RBFOX1: variants seen among roughly 807,000 people sequenced by gnomAD.
The protein encoded by RBFOX1 is RNA binding protein fox-1 homolog 1.
A neutral mutation model predicts 57.7 loss-of-function variants in RBFOX1; 8 were observed. That is an observed-to-expected ratio of 0.14 (90% CI 0.08 to 0.25). RBFOX1 has a LOEUF of 0.25. Among genes scored for constraint, RBFOX1 ranks in the 10% least tolerant of loss-of-function variants. The pLI, the probability that RBFOX1 is intolerant of heterozygous loss-of-function variation, is 1.00. For synonymous variants in RBFOX1, 326 were observed against 222.4 expected (o/e 1.47, Z -4.15); for missense variants, 611 against 548.5 (o/e 1.11, Z -1.14).
intron 14 of RBFOX1, among the ~76,000 whole-genome samples, chr16:7,697,522 TG>T (rs2079167869): frequency 6.6e-6 from 1 of 152,008 alleles, no homozygotes; most frequent in Non-Finnish European, 1.5e-5. Flanking sequence ...CATACATGCA[TG>T]TATATGTATA....
intron 3 of RBFOX1, among the ~76,000 whole-genome samples, chr16:5,645,061 C>G (rs1001462816): frequency 9.1e-5 from 13 of 142,858 alleles, no homozygotes; most frequent in Admixed American, 3.8e-4. Context: ...CATGGTGAAA[C>G]CCTGTCTCTA....
At chr16:7,274,755 G>A (rs1005442735) in intron 4 of RBFOX1, among the ~76,000 whole-genome samples, 1 of 151,978 alleles carries the variant, frequency 6.6e-6, no homozygotes, top group Non-Finnish European at 1.5e-5. Context: ...GACAATCTTA[G>A]CTCACATCAA....
chr16:5,755,534 A>C (rs2053362583), intron 3 of RBFOX1, among the ~76,000 whole-genome samples: 1 of 152,234 alleles, frequency 6.6e-6, no homozygotes, highest in African/African-American at 2.4e-5. Context: ...TTGGTTGGTC[A>C]CAAAAGACGA....
At chr16:7,344,301 A>G (rs2145489423) in intron 4 of RBFOX1, among the ~76,000 whole-genome samples, 1 of 150,420 alleles carries the variant, frequency 6.6e-6, no homozygotes. Flanking sequence ...AATCCAATAT[A>G]GTCAGGGCTA....
At chr16:6,370,799 A>G (rs574817791) in intron 2 of RBFOX1, among the ~76,000 whole-genome samples, 78 of 152,354 alleles carry the variant, frequency 5.1e-4, no homozygotes, top group Admixed American at 2.8e-3. Context: ...AATGCCACTT[A>G]ATTGAATACT....
At chr16:6,955,160 G>T (rs115601404) in intron 3 of RBFOX1, among the ~76,000 whole-genome samples, 1 of 151,972 alleles carries the variant, frequency 6.6e-6, no homozygotes, top group Non-Finnish European at 1.5e-5. Flanking sequence ...AGGATCAGTT[G>T]AGCCTGGGAC....
At position 7,711,009 on chromosome 16, in the gene RBFOX1, C is replaced by G. The variant is rs1025480881; in HGVS notation, c.*264C>G. ...TTTTTGTGGTTGATCTAGACAGATG[C>G]TAGATAATGAATAAAAACTGGTTTA... On this transcript the variant is annotated 3_prime_UTR_variant, in exon 16 of 16. Coordinates refer to ENST00000550418, the MANE Select transcript of RBFOX1 (RefSeq NM_018723.4). 2 of 339,018 alleles carry G rather than the reference C, an allele frequency of 5.9e-6. No homozygotes were observed. Among genetic ancestry groups the G allele is most frequent in the African/African-American group, 2.1e-5 (1 of 46,974 alleles). 21.0% of individuals were successfully genotyped at this position (339,018 alleles called of 1,614,324 possible).
In RBFOX1 at chr16:7,432,394, A is replaced by G. The variant is rs147373335; in HGVS notation, c.28-85753A>G. On this transcript the variant is annotated intron_variant, in intron 4 of 15. Coordinates refer to ENST00000550418, the MANE Select transcript of RBFOX1 (RefSeq NM_018723.4). ...AAATTTAGGATCCCAATCCCAGAAGAGAAGCTTTTTGTGAATTCTCCTAAT... is the reference window on the plus strand; with the variant it reads ...AAATTTAGGATCCCAATCCCAGAAGGGAAGCTTTTTGTGAATTCTCCTAAT... Among the ~76,000 whole-genome samples, 1,210 of 152,284 alleles carry G rather than the reference A, an allele frequency of 7.9e-3. 18 individuals are homozygous for G. Among genetic ancestry groups the G allele is most frequent in the African/African-American group, 0.027 (1,109 of 41,558 alleles).
intron 3 of RBFOX1, among the ~76,000 whole-genome samples, chr16:6,936,806 A>G (rs2077441907): frequency 6.6e-6 from 1 of 152,014 alleles, no homozygotes; most frequent in Non-Finnish European, 1.5e-5. Context: ...CCTGTGCCCA[A>G]AACGCTTTAA....
At chr16:5,869,059 A>G (rs1409313305) in intron 4 of RBFOX1, among the ~76,000 whole-genome samples, 2 of 152,176 alleles carry the variant, frequency 1.3e-5, no homozygotes, top group East Asian at 1.9e-4. Context: ...TAACTTTCCT[A>G]GTGCTGTTCA....
intron 4 of RBFOX1, among the ~76,000 whole-genome samples, chr16:5,906,594 A>T (rs1463829212): frequency 6.6e-6 from 1 of 152,118 alleles, no homozygotes; most frequent in East Asian, 1.9e-4. Flanking sequence ...TACTTGCAGG[A>T]AGGCTCTTTT....
intron 3 of RBFOX1, among the ~76,000 whole-genome samples, chr16:5,821,748 G>C (rs993852808): frequency 2.0e-5 from 3 of 152,258 alleles, no homozygotes; most frequent in African/African-American, 7.2e-5. Context: ...GAAGTCCAAG[G>C]TCAAGGCACC....
At chr16:6,424,380 C>T (rs867898807) in intron 2 of RBFOX1, among the ~76,000 whole-genome samples, 1 of 152,194 alleles carries the variant, frequency 6.6e-6, no homozygotes, top group Non-Finnish European at 1.5e-5. Context: ...CCACTGGGTG[C>T]TTCCATTATA....
intron 4 of RBFOX1, among the ~76,000 whole-genome samples, chr16:7,399,564 C>A (rs986786057): frequency 2.0e-4 from 30 of 152,162 alleles, no homozygotes; most frequent in African/African-American, 7.0e-4. Context: ...TCTCTTTTAG[C>A]CTCTGGTGGT....
chr16:6,691,994 C>A (rs564899088), intron 3 of RBFOX1, among the ~76,000 whole-genome samples: 1 of 152,254 alleles, frequency 6.6e-6, no homozygotes, highest in East Asian at 1.9e-4. Context: ...GATTTTTCCC[C>A]TACAGCTTTC....
intron 4 of RBFOX1, among the ~76,000 whole-genome samples, chr16:5,882,534 C>G (rs1469439625): frequency 6.6e-6 from 1 of 152,178 alleles, no homozygotes; most frequent in African/African-American, 2.4e-5. Flanking sequence ...CTCAGAGCTG[C>G]CTCTACCACA....
chr16:5,560,584 G>C (rs2045855992), intron 2 of RBFOX1, among the ~76,000 whole-genome samples: 2 of 152,160 alleles, frequency 1.3e-5, no homozygotes, highest in Admixed American at 1.3e-4. Flanking sequence ...GGTCAAATGT[G>C]GTGCCTATTT....
chr16:7,214,339 G>C (rs1018635197), intron 4 of RBFOX1, among the ~76,000 whole-genome samples: 9 of 152,070 alleles, frequency 5.9e-5, no homozygotes, highest in Non-Finnish European at 8.8e-5. Context: ...TTTCCCTGTA[G>C]ATCCCTACTT....
At position 7,145,352 on chromosome 16, in the gene RBFOX1, G is replaced by C. The variant is rs143821199; in HGVS notation, c.27+93254G>C. On this transcript the variant is annotated intron_variant, in intron 4 of 15. Transcript: ENST00000550418. ...CCCGATTAGCTGGGATTGCAGGCATGCACCACCACATCTGGTTCATTTTTT... is the reference window on the plus strand; with the variant it reads ...CCCGATTAGCTGGGATTGCAGGCATCCACCACCACATCTGGTTCATTTTTT... Among the ~76,000 whole-genome samples, 557 of 152,210 alleles carry C rather than the reference G, an allele frequency of 3.7e-3. 3 individuals carry two copies. The highest frequency in any genetic ancestry group is 5.8e-3 in the Non-Finnish European group (397 of 68,016).
Sources: allele counts gnomAD v4.1 joint callset (sites outside exome capture counted in the v4.1 genomes callset), GRCh38; gene constraint gnomAD v4.1.1; transcripts MANE v1.5; gene names NCBI Gene and HGNC (gene_info 2026-07-23, HGNC 2026-07-21).